Variants in PLAGL1 observed in about 807,000 individuals in gnomAD.
PLAGL1 encodes PLAG1 like zinc finger 1, also known as zinc finger protein PLAGL1.
PLAGL1 carries 1 observed loss-of-function variant against 4.6 expected under a neutral mutation model. The ratio of observed to expected loss-of-function variants is 0.22; its 90% CI spans 0.08 to 1.03. PLAGL1 has a LOEUF of 1.03. Among genes scored for constraint, PLAGL1 ranks in the 50% least tolerant of loss-of-function variants. The pLI is 0.58. For missense variants in PLAGL1, 464 were observed against 570.4 expected (o/e 0.81, Z 1.90); for synonymous variants, 240 against 237.8 (o/e 1.01, Z -0.08).
At chr6:144,020,085 G>T (rs1418897632) in intron 1 of PLAGL1, among the ~76,000 whole-genome samples, 1 of 152,106 alleles carries the variant, frequency 6.6e-6, no homozygotes, top group African/African-American at 2.4e-5. Flanking sequence ...CCTTACACCA[G>T]AGAGCTCACT....
At chr6:144,025,635 A>G (rs942267956) in intron 1 of PLAGL1, among the ~76,000 whole-genome samples, 5 of 152,214 alleles carry the variant, frequency 3.3e-5, no homozygotes, top group Non-Finnish European at 7.3e-5. Flanking sequence ...CACACCTGTA[A>G]TCCTAGCACT....
intron 1 of PLAGL1, among the ~76,000 whole-genome samples, chr6:144,033,918 T>C (rs924978375): frequency 6.6e-6 from 1 of 152,124 alleles, no homozygotes; most frequent in African/African-American, 2.4e-5. Context: ...GACTTGAACA[T>C]AAAAGCAGCT....
Position 144,000,840 on chromosome 6 carries a change from T to G in PLAGL1, c.-584+7250A>C, listed in dbSNP as rs928490487. ...ATACTTGCAAAGTTCTAAGAAATACTGGAAAAACATCCTTTAAAATGTCAG... is the reference window on the plus strand; with the variant it reads ...ATACTTGCAAAGTTCTAAGAAATACGGGAAAAACATCCTTTAAAATGTCAG... On this transcript the variant is annotated intron_variant, in intron 1 of 7. Transcript: ENST00000674357. The surrounding 1 kb of genome is among the most constrained non-coding windows in gnomAD (Gnocchi z 4.1). Among the ~76,000 whole-genome samples, 1 of 152,162 alleles carries G rather than the reference T, an allele frequency of 6.6e-6. No homozygotes were observed. Among genetic ancestry groups the G allele is most frequent in the East Asian group, 1.9e-4 (1 of 5,204 alleles).
intron 1 of PLAGL1, among the ~76,000 whole-genome samples, chr6:144,030,282 A>AAAAAAAAT (rs1796713577): frequency 7.2e-6 from 1 of 138,244 alleles, no homozygotes; most frequent in Non-Finnish European, 1.5e-5. Context: ...AAAAAAAAAA[A>AAAAAAAAT]AGAAGATGTA....
At position 143,984,445 on chromosome 6, in the gene PLAGL1, T is replaced by C. The variant is rs1788595301; in HGVS notation, c.-544+690A>G. 6.6e-6 allele frequency among the ~76,000 whole-genome samples: 1 copy of C among 152,130 alleles called. No homozygotes were observed. On this transcript the variant is annotated intron_variant, in intron 2 of 7. Coordinates refer to ENST00000674357, the MANE Select transcript of PLAGL1 (RefSeq NM_001317162.2). The surrounding 1 kb of genome is among the most constrained non-coding windows in gnomAD (Gnocchi z 5.5). ...TTTTTCCCAAATTTAAATGACCATA[T>C]GCTCATTTTCCATATAATATCAGTT...
rs1790077860 is a variant in PLAGL1, at chr6:143,989,973, A to C, written c.-583-4799T>G. ...TCTGCCTTCTATCTCTAAACTCAGAAACTTCCCCATATCCACAGGAGGATG... is the reference window on the plus strand; with the variant it reads ...TCTGCCTTCTATCTCTAAACTCAGACACTTCCCCATATCCACAGGAGGATG... On this transcript the variant is annotated intron_variant, in intron 1 of 7. Transcript: ENST00000674357. This position sits in a 1 kb window ranked among gnomAD's most constrained non-coding sequence, Gnocchi z 4.8. Among the ~76,000 whole-genome samples the C allele has an allele frequency of 6.6e-6, 1 of 152,088 alleles. No homozygotes were observed. Among genetic ancestry groups the C allele is most frequent in the South Asian group, 2.1e-4 (1 of 4,822 alleles).
At chr6:143,993,449 C>T (rs1429059517) in intron 1 of PLAGL1, among the ~76,000 whole-genome samples, 1 of 151,430 alleles carries the variant, frequency 6.6e-6, no homozygotes, top group Non-Finnish European at 1.5e-5. Flanking sequence ...AAAGAACTAT[C>T]CGGTTTCCAG....
Position 144,027,241 on chromosome 6 carries a change from AAG to A in PLAGL1, c.-151+37225_-151+37226del, listed in dbSNP as rs1491455367. 1.7e-3 allele frequency among the ~76,000 whole-genome samples: 158 copies of A among 92,544 alleles called. 3 individuals are homozygous for A. Among genetic ancestry groups the A allele is most frequent in the African/African-American group, 6.0e-3 (149 of 25,010 alleles). 60.7% of individuals were successfully genotyped at this position (92,544 alleles called of 152,430 possible). ...CCCAACTCAAAGAACGAACGAAAGA[AAG>A]AAAGAAAGAAAGAAAGAAAGAAAGA... On this transcript the variant is annotated intron_variant, in intron 1 of 3. Coordinates refer to the PLAGL1 transcript ENST00000437412. This position sits in a 1 kb window ranked among gnomAD's most constrained non-coding sequence, Gnocchi z 5.8.
upstream of PLAGL1, among the ~76,000 whole-genome samples, chr6:144,012,495 C>G (rs1272748919): frequency 4.6e-5 from 7 of 152,124 alleles, no homozygotes; most frequent in Middle Eastern, 3.2e-3. This position sits in a 1 kb window ranked among gnomAD's most constrained non-coding sequence, Gnocchi z 4.8. Flanking sequence ...TCTCAGTCTC[C>G]CAAAGTGCTG....
chr6:144,038,965 T>C (rs750092809), intron 1 of PLAGL1, among the ~76,000 whole-genome samples: 11 of 152,184 alleles, frequency 7.2e-5, no homozygotes, highest in Non-Finnish European at 1.5e-4. Context: ...TCTCAGTAAG[T>C]TGTTTTTTAC....
intron 1 of PLAGL1, among the ~76,000 whole-genome samples, chr6:144,045,090 A>C (rs1436198222): frequency 1.4e-5 from 2 of 139,200 alleles, no homozygotes; most frequent in Non-Finnish European, 3.0e-5. Context: ...TGCATGTGAG[A>C]TGGGTCTCCT....
intron 2 of PLAGL1, among the ~76,000 whole-genome samples, chr6:143,981,555 G>A (rs1787957551): frequency 6.6e-6 from 1 of 152,030 alleles, no homozygotes; most frequent in Admixed American, 6.6e-5. Context: ...CTGCAGCCTG[G>A]GGCAAATCAT....
rs1317444679 is a variant in PLAGL1, at chr6:143,965,790, G to A, written c.-431+368C>T. ...ATGCTTCCCTTGTCACACCAGACAG[G>A]TGAGACCAAGAAGGGAAGACAGAAA... On this transcript the variant is annotated intron_variant, in intron 4 of 7. Transcript: ENST00000674357. The surrounding 1 kb of genome is among the most constrained non-coding windows in gnomAD (Gnocchi z 7.5). 2.0e-5 allele frequency: 3 copies of A among 152,186 alleles called. No individual in the cohort carries two copies. Among genetic ancestry groups the A allele is most frequent in the Admixed American group, 6.5e-5 (1 of 15,280 alleles). The allele number at this position is 152,186 out of a possible 1,614,324, so 9.4% of individuals were successfully genotyped here.
chr6:144,018,415 G>A (rs1795719034), intron 1 of PLAGL1, among the ~76,000 whole-genome samples: 1 of 152,146 alleles, frequency 6.6e-6, no homozygotes, highest in East Asian at 1.9e-4. Flanking sequence ...TTGGTCAAAG[G>A]ACACAAAGTT....
At chr6:144,045,217 C>T (rs1363660586) in intron 1 of PLAGL1, among the ~76,000 whole-genome samples, 1 of 151,960 alleles carries the variant, frequency 6.6e-6, no homozygotes, top group Admixed American at 6.6e-5. Context: ...TGAATTTGAT[C>T]CTGTCATTAT....
At chr6:144,057,563 T>A (rs542279458) in intron 1 of PLAGL1, among the ~76,000 whole-genome samples, 16 of 152,280 alleles carry the variant, frequency 1.1e-4, no homozygotes, top group African/African-American at 3.6e-4. Flanking sequence ...CATTTCCCAA[T>A]GTACTCGAAA....
chr6:144,014,673 A>G (rs1795448617), intron 1 of PLAGL1, among the ~76,000 whole-genome samples: 2 of 151,934 alleles, frequency 1.3e-5, no homozygotes, highest in Admixed American at 6.6e-5. Context: ...TCCACCTCCC[A>G]GTTTCAAGTG....
chr6:144,010,360 CAAAG>C (rs1338321426), upstream of PLAGL1, among the ~76,000 whole-genome samples: 2 of 152,092 alleles, frequency 1.3e-5, no homozygotes, highest in Non-Finnish European at 2.9e-5. This position sits in a 1 kb window ranked among gnomAD's most constrained non-coding sequence, Gnocchi z 4.1. Context: ...ACAATGGCGA[CAAAG>C]AGAATAAAAT....
chr6:143,959,048 C>T lies in PLAGL1; in HGVS notation c.-325+1421G>A, dbSNP rs1013145883. Among the ~76,000 whole-genome samples, 2 of 152,208 alleles carry T rather than the reference C, an allele frequency of 1.3e-5. No homozygotes were observed. The highest frequency in any genetic ancestry group is 2.9e-5 in the Non-Finnish European group (2 of 68,028). ...TGCAATCCACATGTGTGGTCCATCC[C>T]CCAGCTCATCCGCAGGCAGCTTTCA... On this transcript the variant is annotated intron_variant, in intron 6 of 7. Coordinates refer to ENST00000674357, the MANE Select transcript of PLAGL1 (RefSeq NM_001317162.2). The surrounding 1 kb of genome is among the most constrained non-coding windows in gnomAD (Gnocchi z 5.3).
Sources: allele counts gnomAD v4.1 joint callset (sites outside exome capture counted in the v4.1 genomes callset), GRCh38; gene constraint gnomAD v4.1.1; non-coding constraint Gnocchi (gnomAD v3.1); transcripts MANE v1.5; gene names NCBI Gene and HGNC (gene_info 2026-07-23, HGNC 2026-07-21).